The following KIAA0753 variants were observed in gnomAD, a reference collection of about 807,000 sequenced individuals.
KIAA0753 encodes KIAA0753.
In KIAA0753, 114 loss-of-function variants were observed where a neutral mutation model predicts 116.9. That is an observed-to-expected ratio of 0.98 (90% CI 0.84 to 1.14). The LOEUF is 1.14. KIAA0753 is among the 50% of genes most tolerant of loss of function. KIAA0753 has a pLI of 0.00. For missense variants in KIAA0753, 1,156 were observed against 1,172.4 expected, an observed-to-expected ratio of 0.99 and a Z score of 0.20; for synonymous variants, 405 against 413.1, an observed-to-expected ratio of 0.98 and a Z score of 0.24.
intron 2 of KIAA0753, among the ~76,000 whole-genome samples, chr17:6,630,653 T>C (rs1316046457): frequency 5.3e-5 from 8 of 152,158 alleles, no homozygotes; most frequent in Admixed American, 5.2e-4. Flanking sequence ...TTTGTAACTG[T>C]AAATTATTAG....
rs1186218996 is a variant in KIAA0753, at chr17:6,579,854, C to A, written c.2797G>T (p.Glu933Ter). 1.9e-6 allele frequency: 3 copies of A among 1,612,172 alleles called. No individual in the cohort carries two copies. The highest frequency in any genetic ancestry group is 1.1e-5 in the South Asian group (1 of 91,058). ...PWLIAESFSE[E>*]LVDEALGAVA... is the part of the protein sequence containing the mutation. ...GCACCCAGAGCTTCATCTACCAGCT[C>A]TTCTGAAAAGCTGGAAGACAAACAA... The change falls in exon 19 of 19, where the codon GAG (glutamate) becomes TAG (stop). Residue 933 changes from glutamate (E) to a stop codon, truncating the protein, a stop_gained. Coordinates refer to ENST00000361413, the MANE Select transcript of KIAA0753 (RefSeq NM_014804.3). LOFTEE classifies it high-confidence loss of function.
At chr17:6,582,548 T>G (rs1968255733) in intron 18 of KIAA0753, among the ~76,000 whole-genome samples, 1 of 152,238 alleles carries the variant, frequency 6.6e-6, no homozygotes, top group African/African-American at 2.4e-5. Flanking sequence ...GTTTTTTCGC[T>G]AATCTGACAA....
chr17:6,607,709 TATTGTCAA>T (rs1396051922), intron 10 of KIAA0753, among the ~76,000 whole-genome samples: 1 of 152,252 alleles, frequency 6.6e-6, no homozygotes, highest in Admixed American at 6.5e-5. Context: ...GATATATGAA[TATTGTCAA>T]ATTATTTAAT....
intron 7 of KIAA0753, among the ~76,000 whole-genome samples, chr17:6,614,427 C>T (rs1970745691): frequency 6.6e-6 from 1 of 150,732 alleles, no homozygotes. Context: ...ATAAGGGAAA[C>T]CTATACAGCA....
In KIAA0753 at chr17:6,620,421, C is replaced by CATATAT. The variant is rs141663097; in HGVS notation, c.1315+361_1315+366dup. On this transcript the variant is annotated intron_variant, in intron 7 of 18. Transcript: ENST00000361413. Reference sequence around the variant, plus strand: ...AAATTTATCTGAGGAAAAAAAAATACATATATATATATACACATATATATA... The same window carrying CATATAT: ...AAATTTATCTGAGGAAAAAAAAATACATATATATATATATATATACACATATATATA... Among the ~76,000 whole-genome samples, 927 of 148,304 alleles carry CATATAT rather than the reference C, an allele frequency of 6.3e-3. 14 individuals are homozygous for CATATAT. Among genetic ancestry groups the CATATAT allele is most frequent in the South Asian group, 0.033 (155 of 4,742 alleles).
chr17:6,605,643 T>C lies in KIAA0753; in HGVS notation c.2009+1230A>G, dbSNP rs545987675. On this transcript the variant is annotated intron_variant, in intron 12 of 18. Coordinates refer to ENST00000361413, the MANE Select transcript of KIAA0753 (RefSeq NM_014804.3). Reference sequence around the variant, plus strand: ...CAAGATATTGTTAGGGATACACACATAGTTGACAGATTTATGAAGAAGAGT... The same window carrying C: ...CAAGATATTGTTAGGGATACACACACAGTTGACAGATTTATGAAGAAGAGT... 4.6e-5 allele frequency among the ~76,000 whole-genome samples: 7 copies of C among 152,096 alleles called. No individual in the cohort carries two copies. In the South Asian group the frequency reaches 6.3e-4, roughly 14 times the overall value.
intron 2 of KIAA0753, among the ~76,000 whole-genome samples, chr17:6,630,804 T>C (rs1480085637): frequency 6.6e-6 from 1 of 152,172 alleles, no homozygotes; most frequent in African/African-American, 2.4e-5. Flanking sequence ...GATTGGAATA[T>C]ATTGTTCAGC....
chr17:6,608,488 C>CT (rs775133939), intron 9 of KIAA0753, 24 bp from the exon 10 acceptor site: 5 of 1,353,012 alleles, frequency 3.7e-6, no homozygotes, highest in Non-Finnish European at 5.1e-6. Flanking sequence ...AAAAGCATAC[C>CT]TTTGTCATCA....
chr17:6,635,234 C>T (rs1408435982), intron 1 of KIAA0753, 63 bp from the exon 2 acceptor site: 1 of 661,744 alleles, frequency 1.5e-6, no homozygotes. Flanking sequence ...ACAGATAAAA[C>T]ACAGTGCCAT....
intron 2 of KIAA0753, among the ~76,000 whole-genome samples, chr17:6,630,741 T>C (rs1490139646): frequency 6.6e-6 from 1 of 152,116 alleles, no homozygotes; most frequent in Non-Finnish European, 1.5e-5. Context: ...AATGAAGATA[T>C]AAAACAAAAA....
chr17:6,594,288 C>A (rs1304988521), intron 16 of KIAA0753, among the ~76,000 whole-genome samples: 3 of 133,072 alleles, frequency 2.3e-5, no homozygotes, highest in Admixed American at 7.6e-5. Context: ...CCCCCCCCCC[C>A]AGAACTATAG....
chr17:6,582,384 C>A (rs796411912), intron 18 of KIAA0753, among the ~76,000 whole-genome samples: 4 of 152,084 alleles, frequency 2.6e-5, no homozygotes, highest in South Asian at 2.1e-4. Context: ...TGTTTGTATT[C>A]GACTTAAGGC....
intron 7 of KIAA0753, among the ~76,000 whole-genome samples, chr17:6,614,392 G>A (rs1042535431): frequency 2.0e-5 from 3 of 151,376 alleles, no homozygotes; most frequent in Non-Finnish European, 4.4e-5. Context: ...AATAAGAGCT[G>A]AAAAATAAAC....
rs138291342 is a variant in KIAA0753 at position 6,579,703 on chromosome 17, T to C, written c.*44A>G. 3.0e-6 allele frequency: 4 copies of C among 1,330,714 alleles called. No individual in the cohort carries two copies. Among genetic ancestry groups the C allele is most frequent in the Non-Finnish European group, 4.3e-6 (4 of 925,478 alleles). The allele number at this position is 1,330,714 out of a possible 1,614,324, so 82.4% of individuals were successfully genotyped here. A position where few individuals can be genotyped will look rare whatever the true frequency, so the allele number is the denominator to read the frequency against. On this transcript the variant is annotated 3_prime_UTR_variant, in exon 19 of 19. Coordinates refer to ENST00000361413, the MANE Select transcript of KIAA0753 (RefSeq NM_014804.3). ...TGGGCCAAAACAAAGGGTGGTGCCA[T>C]CCCTTCTCCAGTGTGACACAAATGG... is the stretch of plus-strand genomic sequence containing the variant.
chr17:6,610,502 TTTC>T (rs1216734762), intron 8 of KIAA0753, among the ~76,000 whole-genome samples: 1 of 147,880 alleles, frequency 6.8e-6, no homozygotes, highest in East Asian at 2.0e-4. Flanking sequence ...ATTTTTCTTT[TTTC>T]TTTTCTTTCT....
rs115268051 is a variant in KIAA0753 at position 6,579,730 on chromosome 17, C to G, written c.*17G>C. 5.5e-4 allele frequency: 868 copies of G among 1,574,196 alleles called. 6 individuals carry two copies. In the African/African-American group the frequency reaches 0.011, roughly 19 times the overall value. On this transcript the variant is annotated 3_prime_UTR_variant, in exon 19 of 19. Transcript: ENST00000361413. ...CCTTCTCCAGTGTGACACAAATGGC[C>G]TCGCCTCAGAGAGCCTTTATGTAGC... is the stretch of plus-strand genomic sequence containing the variant.
At position 6,608,037 on chromosome 17, in the gene KIAA0753, GC is replaced by G. The variant is rs373762410; in HGVS notation, c.1829+310del. ...TAAATAAGCAAGGGCTGGGATTATG[GC>G]CTATTTGCCCTTTTTAAAGTCTCCA... On this transcript the variant is annotated intron_variant, in intron 10 of 18. Transcript: ENST00000361413. Among the ~76,000 whole-genome samples the G allele has an allele frequency of 6.2e-4, 95 of 152,190 alleles. 2 individuals carry two copies. In the East Asian group the frequency reaches 0.016, roughly 26 times the overall value.
At chr17:6,590,083 G>A in intron 17 of KIAA0753, 80 bp from the exon 18 acceptor site, 1 of 1,068,678 alleles carries the variant, frequency 9.4e-7, no homozygotes, top group Non-Finnish European at 1.3e-6. Context: ...CTCATGGTTT[G>A]ATAGCCAAAG....
At position 6,628,486 on chromosome 17, in the gene KIAA0753, T is replaced by C. The variant is rs1971820576; in HGVS notation, c.349A>G (p.Ile117Val). Reference sequence around the variant, plus strand: ...TGACTTCTGAGATGATGTTCTTTTATATGTTTTTCAAATTGTCTTCGTTTC... The same window carrying C: ...TGACTTCTGAGATGATGTTCTTTTACATGTTTTTCAAATTGTCTTCGTTTC... ...DVKRRQFEKHIKEHHLRSQPQ... is the reference protein window; with the variant it reads ...DVKRRQFEKHVKEHHLRSQPQ... The change falls in exon 3 of 19, where the codon ATA (isoleucine) becomes GTA (valine). Residue 117 changes from isoleucine (I) to valine (V), a missense_variant. Ile to Val is a conservative substitution (Grantham distance 29). Coordinates refer to ENST00000361413, the MANE Select transcript of KIAA0753 (RefSeq NM_014804.3). 9.9e-6 allele frequency: 16 copies of C among 1,614,114 alleles called. No homozygotes were observed. The highest frequency in any genetic ancestry group is 1.6e-4 in the Middle Eastern group (1 of 6,084).
Sources: allele counts gnomAD v4.1 joint callset (sites outside exome capture counted in the v4.1 genomes callset), GRCh38; gene constraint gnomAD v4.1.1; transcripts MANE v1.5; gene names NCBI Gene and HGNC (gene_info 2026-07-23, HGNC 2026-07-21).